The following SCN10A variants were observed in gnomAD, a reference collection of about 807,000 sequenced individuals.
The protein encoded by SCN10A is sodium voltage-gated channel alpha subunit 10, also known as sodium channel protein type 10 subunit alpha.
In SCN10A, 162 loss-of-function variants were observed where a neutral mutation model predicts 170.7. The observed-to-expected ratio is 0.95, with a 90% CI of 0.84 to 1.08. The LOEUF (loss-of-function observed/expected upper bound fraction) is 1.08. SCN10A is among the 50% of genes least tolerant of loss of function. SCN10A has a pLI of 0.00. For missense variants in SCN10A, 2,527 were observed against 2,436.9 expected (o/e 1.04, Z -0.78); for synonymous variants, 985 against 904.6 (o/e 1.09, Z -1.59).
chr3:38,719,512 G>A (rs1216243614), intron 20 of SCN10A, among the ~76,000 whole-genome samples: 2 of 149,136 alleles, frequency 1.3e-5, no homozygotes, highest in African/African-American at 2.5e-5. Context: ...TCCTGCCTCA[G>A]CCTCCCAAGT....
At chr3:38,748,992 A>G (rs147726233) in intron 13 of SCN10A, among the ~76,000 whole-genome samples, 3 of 152,318 alleles carry the variant, frequency 2.0e-5, no homozygotes, top group African/African-American at 7.2e-5. Flanking sequence ...TCTTCTAGGT[A>G]ATGGAGATCC....
intron 1 of SCN10A, among the ~76,000 whole-genome samples, chr3:38,799,166 G>A (rs73064573): frequency 0.1 from 15,903 of 152,076 alleles, 928 homozygotes; most frequent in Non-Finnish European, 0.12. Flanking sequence ...GAACCTGTAG[G>A]ATCTCTGAAT....
chr3:38,703,164 C>T (rs1340230460), intron 26 of SCN10A, among the ~76,000 whole-genome samples: 2 of 152,196 alleles, frequency 1.3e-5, no homozygotes, highest in Non-Finnish European at 2.9e-5. Flanking sequence ...TGAAGCTTTG[C>T]CACCTAGTTT....
At chr3:38,736,963 GTTTTTTTTTTTT>G (rs71085334) in intron 15 of SCN10A, among the ~76,000 whole-genome samples, 2 of 46,666 alleles carry the variant, frequency 4.3e-5, no homozygotes, top group South Asian at 1.0e-3. Context: ...AGAAATGTTC[GTTTTTTTTTTTT>G]TTTTTTTTTT....
At position 38,769,801 on chromosome 3, in the gene SCN10A, G is replaced by A. The variant is rs557220292; in HGVS notation, c.599+1478C>T. 1.4e-4 allele frequency among the ~76,000 whole-genome samples: 21 copies of A among 152,270 alleles called. No homozygotes were observed. The South Asian group carries it at 4.3e-3, about 32-fold the overall frequency. ...ATCCCCTGGGGATGGGGCTTCCTGA[G>A]AGCTGGACTGCAGTGATCGTTATTG... On this transcript the variant is annotated intron_variant, in intron 5 of 27. Coordinates refer to ENST00000449082, the MANE Select transcript of SCN10A (RefSeq NM_006514.4).
chr3:38,761,564 G>C (rs549363739), intron 6 of SCN10A, among the ~76,000 whole-genome samples, 181 bp from the exon 7 acceptor site: 1 of 152,304 alleles, frequency 6.6e-6, no homozygotes, highest in Non-Finnish European at 1.5e-5. Flanking sequence ...CAGGCAGAGA[G>C]TCAGGGGCTA....
At chr3:38,709,422 G>A (rs2063246966) in intron 25 of SCN10A, 56 bp downstream of exon 25, 1 of 1,538,452 alleles carries the variant, frequency 6.5e-7, no homozygotes, top group East Asian at 2.3e-5. Flanking sequence ...GCAGGGAACA[G>A]GAAATATAAG....
In SCN10A at chr3:38,718,771, T is replaced by C. The variant is rs549879065; in HGVS notation, c.3563A>G (p.Tyr1188Cys). The C allele has an allele frequency of 6.2e-7, 1 of 1,614,236 alleles. No individual in the cohort carries two copies. Among genetic ancestry groups the C allele is most frequent in the Non-Finnish European group, 8.5e-7 (1 of 1,180,034 alleles). ...QKPTVKALLE[Y>C]TDRVFTFIFV... is the part of the protein sequence containing the mutation. Reference sequence around the variant, plus strand: ...GATAAAGGTGAAGACCCTGTCAGTGTACTCCAGCAAAGCTTTCACCGTGGG... The same window carrying C: ...GATAAAGGTGAAGACCCTGTCAGTGCACTCCAGCAAAGCTTTCACCGTGGG... Residue 1188 changes from tyrosine (Y) to cysteine (C), a missense_variant, in exon 21 of 28, where the codon TAC (tyrosine) becomes TGC (cysteine). By Grantham distance (194) the Tyr-to-Cys change is radical. Coordinates refer to ENST00000449082, the MANE Select transcript of SCN10A (RefSeq NM_006514.4).
chr3:38,730,945 A>G (rs2063507802), intron 15 of SCN10A, among the ~76,000 whole-genome samples: 1 of 152,204 alleles, frequency 6.6e-6, no homozygotes, highest in African/African-American at 2.4e-5. Context: ...CGTGGAGGCT[A>G]TGACTGCCCA....
intron 1 of SCN10A, among the ~76,000 whole-genome samples, chr3:38,808,581 G>A (rs1445726314): frequency 1.3e-5 from 2 of 152,200 alleles, no homozygotes; most frequent in African/African-American, 4.8e-5. Flanking sequence ...AAGAACAAAT[G>A]AATGAATGAT....
intron 4 of SCN10A, among the ~76,000 whole-genome samples, chr3:38,772,647 T>A (rs1465222992): frequency 7.9e-5 from 12 of 151,016 alleles, no homozygotes; most frequent in African/African-American, 2.9e-4. Context: ...CTAGATCGCG[T>A]CACTGCACTC....
chr3:38,744,480 T>G (rs2063666654), intron 13 of SCN10A, among the ~76,000 whole-genome samples: 1 of 151,962 alleles, frequency 6.6e-6, no homozygotes. Flanking sequence ...ATTTTCTTCA[T>G]TTTTTTATTT....
rs2064026204 is a variant in SCN10A, at chr3:38,772,880, A to G, written c.471-1473T>C. On this transcript the variant is annotated intron_variant, in intron 4 of 27. Transcript: ENST00000449082. ...AAAACAAAAATATGATAGCAAAAGT[A>G]AAACACTAATAGGCGGACTTGTAAA... is the stretch of plus-strand genomic sequence containing the variant. 2.0e-5 allele frequency among the ~76,000 whole-genome samples: 3 copies of G among 151,816 alleles called. No individual in the cohort carries two copies. In the South Asian group the frequency reaches 6.2e-4, roughly 31 times the overall value.
intron 4 of SCN10A, among the ~76,000 whole-genome samples, chr3:38,785,999 G>C (rs1297315064): frequency 2.6e-5 from 4 of 152,138 alleles, no homozygotes; most frequent in Non-Finnish European, 5.9e-5. Flanking sequence ...AGAGGATGTG[G>C]AGAGATAGGA....
chr3:38,792,152 T>C lies in SCN10A; in HGVS notation c.287A>G (p.Asn96Ser). 6.2e-7 allele frequency: 1 copy of C among 1,613,750 alleles called. No homozygotes were observed. Among genetic ancestry groups the C allele is most frequent in the Non-Finnish European group, 8.5e-7 (1 of 1,179,778 alleles). The change falls in exon 3 of 28, where the codon AAC becomes AGC. Residue 96 changes from asparagine to serine, a missense_variant. Physicochemically the swap from Asn to Ser is conservative, Grantham distance 46 (BLOSUM62 1). Coordinates refer to ENST00000449082, the MANE Select transcript of SCN10A (RefSeq NM_006514.4). ...YSTHRTFMVL[N>S]KGRTISRFSA... Reference sequence around the variant, plus strand: ...AAACCGGGAAATGGTCCTCCCTTTGTTCAGCACCATAAATGTCTGAAACAA... The same window carrying C: ...AAACCGGGAAATGGTCCTCCCTTTGCTCAGCACCATAAATGTCTGAAACAA...
Position 38,760,646 on chromosome 3 carries a change from G to T in SCN10A, c.950+35C>A, listed in dbSNP as rs757549090. ...AGGACAAGATGGAGAAGGAATTGTTGGGCACTCGTGCTTTGTCATAAGTTG... is the reference window on the plus strand; with the variant it reads ...AGGACAAGATGGAGAAGGAATTGTTTGGCACTCGTGCTTTGTCATAAGTTG... On this transcript the variant is annotated intron_variant, in intron 8 of 27. Transcript: ENST00000449082. 6 of 1,532,416 alleles carry T rather than the reference G, an allele frequency of 3.9e-6. No individual in the cohort carries two copies. The East Asian group carries it at 1.1e-4, about 29-fold the overall frequency. 94.9% of individuals were successfully genotyped at this position (1,532,416 alleles called of 1,614,324 possible).
At position 38,763,612 on chromosome 3, in the gene SCN10A, T is replaced by C. The variant is rs1169849703; in HGVS notation, c.600-16A>G. On this transcript the variant is annotated splice_polypyrimidine_tract_variant and intron_variant, in intron 5 of 27. Transcript: ENST00000449082. ...GCCAACATATCTGTAGGACCAGAAG[T>C]TAGTCAGCATCTCTGCAAGCAAGGG... is the stretch of plus-strand genomic sequence containing the variant. 1.9e-6 allele frequency: 3 copies of C among 1,599,600 alleles called. No homozygotes were observed. Among genetic ancestry groups the C allele is most frequent in the Non-Finnish European group, 2.6e-6 (3 of 1,167,002 alleles).
At chr3:38,783,890 C>A (rs891031961) in intron 4 of SCN10A, among the ~76,000 whole-genome samples, 1 of 151,982 alleles carries the variant, frequency 6.6e-6, no homozygotes, top group Non-Finnish European at 1.5e-5. Flanking sequence ...TAAAAAATTT[C>A]CCTTCTATGA....
chr3:38,697,117 T>G lies in SCN10A; in HGVS notation c.*232A>C, dbSNP rs1026027543. 3 of 578,690 alleles carry G rather than the reference T, an allele frequency of 5.2e-6. No individual in the cohort carries two copies. The African/African-American group carries it at 5.6e-5, about 11-fold the overall frequency. The allele number at this position is 578,690 out of a possible 1,614,324, so 35.8% of individuals were successfully genotyped here. A position where few individuals can be genotyped will look rare whatever the true frequency, so the allele number is the denominator to read the frequency against. On this transcript the variant is annotated 3_prime_UTR_variant, in exon 28 of 28. Coordinates refer to ENST00000449082, the MANE Select transcript of SCN10A (RefSeq NM_006514.4). ...AGTAAGAGAACCCATGATCTGATAT[T>G]GAAATTCAGAAGGGAAATCACAGTG...
Sources: gnomAD v4.1 joint callset for allele counts (sites outside exome capture counted in the v4.1 genomes callset) on GRCh38, gnomAD v4.1.1 for gene constraint, MANE v1.5 for transcripts, NCBI Gene and HGNC (gene_info 2026-07-23, HGNC 2026-07-21) for gene names.